CFH: variants seen among roughly 807,000 people sequenced by gnomAD.
CFH encodes complement factor H.
A neutral mutation model predicts 147.3 loss-of-function variants in CFH; 53 were observed. The observed-to-expected ratio is 0.36, with a 90% CI of 0.29 to 0.45. The LOEUF (loss-of-function observed/expected upper bound fraction) is 0.45. Ranked by LOEUF, CFH falls within the 20% of genes least tolerant of loss-of-function variation. The probability of loss-of-function intolerance (pLI) is 1.00; values close to 1 mark genes in which losing one functional copy is unlikely to be tolerated. For synonymous variants in CFH, 536 were observed against 489.4 expected (o/e 1.10, Z -1.26); for missense variants, 1,380 against 1,498.0 (o/e 0.92, Z 1.30).
At chr1:196,706,031 A>G (rs1325142568) in intron 9 of CFH, among the ~76,000 whole-genome samples, 2 of 152,052 alleles carry the variant, frequency 1.3e-5, no homozygotes, top group East Asian at 3.9e-4. Context: ...CACTGAGGAA[A>G]GCAGCTTTAT....
At chr1:196,723,150 A>G (rs558343019) in intron 11 of CFH, among the ~76,000 whole-genome samples, 2 of 152,276 alleles carry the variant, frequency 1.3e-5, no homozygotes, top group East Asian at 1.9e-4. Context: ...GCTGTTTTAA[A>G]TCATACTTCC....
chr1:196,672,789 G>A (rs1667326204), intron 1 of CFH, among the ~76,000 whole-genome samples, 189 bp from the exon 2 acceptor site: 1 of 152,002 alleles, frequency 6.6e-6, no homozygotes, highest in African/African-American at 2.4e-5. Context: ...AAGGTGAAAT[G>A]TATAGTTACA....
At chr1:196,740,354 CA>C (rs1346078197) in intron 17 of CFH, among the ~76,000 whole-genome samples, 2 of 152,160 alleles carry the variant, frequency 1.3e-5, no homozygotes, top group Non-Finnish European at 2.9e-5. Context: ...AGTAAGTTTA[CA>C]GAGGCATTGT....
chr1:196,703,959 TG>T (rs1228971837), intron 9 of CFH, among the ~76,000 whole-genome samples: 5 of 98,856 alleles, frequency 5.1e-5, no homozygotes, highest in African/African-American at 2.1e-4. Context: ...CACTCCAGCC[TG>T]GGGGACAGAG....
intron 1 of CFH, among the ~76,000 whole-genome samples, chr1:196,666,804 CAAAAAA>C (rs10616982): frequency 1.2e-5 from 1 of 84,072 alleles, no homozygotes; most frequent in Non-Finnish European, 2.4e-5. Context: ...GACTCCGTCT[CAAAAAA>C]AAAAAAAAAA....
chr1:196,730,940 C>A (rs530107073), intron 15 of CFH, among the ~76,000 whole-genome samples: 1 of 151,634 alleles, frequency 6.6e-6, no homozygotes, highest in Non-Finnish European at 1.5e-5. Context: ...TTTTTCCATG[C>A]CTTCACTGCA....
At chr1:196,729,343 T>G (rs750764241) in intron 15 of CFH, among the ~76,000 whole-genome samples, 3 of 152,134 alleles carry the variant, frequency 2.0e-5, no homozygotes, top group Non-Finnish European at 4.4e-5. Context: ...ATAGATTTAT[T>G]AAAATGATCG....
chr1:196,746,023 G>A, intron 21 of CFH, 24 bp downstream of exon 21: 1 of 1,614,046 alleles, frequency 6.2e-7, no homozygotes, highest in Non-Finnish European at 8.5e-7. Flanking sequence ...TATTCACGTG[G>A]CTGGAAAAAT....
intron 1 of CFH, among the ~76,000 whole-genome samples, chr1:196,653,505 T>C (rs936157833): frequency 7.9e-5 from 12 of 152,026 alleles, no homozygotes; most frequent in African/African-American, 2.9e-4. Flanking sequence ...GTTTCATACC[T>C]ACATACTGTT....
At chr1:196,713,251 A>T (rs1346627007) in intron 9 of CFH, among the ~76,000 whole-genome samples, 1 of 152,146 alleles carries the variant, frequency 6.6e-6, no homozygotes, top group Non-Finnish European at 1.5e-5. Context: ...TTTACTTTGA[A>T]GCACACAATA....
Position 196,677,599 on chromosome 1 carries a change from T to C in CFH, c.551T>C (p.Ile184Thr), listed in dbSNP as rs765263611. ...VRFVCNSGYK[I>T]EGDEEMHCSD... is the part of the protein sequence containing the mutation. ...TTTGTATGTAACTCAGGCTACAAGA[T>C]TGAAGGAGATGAAGAAATGCATTGT... Residue 184 changes from isoleucine to threonine, a missense_variant, in exon 5 of 22, where the codon ATT becomes ACT. Physicochemically the swap from Ile to Thr is moderately conservative, Grantham distance 89. Around this residue, in one of 4 missense-constraint regions of CFH, gnomAD observed 260 missense variants for 263.3 expected, o/e 0.99. Transcript: ENST00000367429. The C allele has an allele frequency of 8.7e-6, 14 of 1,613,170 alleles. No homozygotes were observed. The highest frequency in any genetic ancestry group is 6.7e-5 in the Admixed American group (4 of 59,946).
rs116355899 is a variant in CFH, at chr1:196,725,484, T to C, written c.1873+187T>C. 3.8e-3 allele frequency among the ~76,000 whole-genome samples: 575 copies of C among 152,308 alleles called. 3 individuals carry two copies. Among genetic ancestry groups the C allele is most frequent in the Non-Finnish European group, 5.8e-3 (397 of 68,018 alleles). On this transcript the variant is annotated intron_variant, in intron 12 of 21. Coordinates refer to ENST00000367429, the MANE Select transcript of CFH (RefSeq NM_000186.4). ...AGTCACTTAAGTTAATCTCCACTGT[T>C]TCTTGAACGATGTGCTGGAAGTATT...
At chr1:196,678,340 T>C (rs768802894) in intron 5 of CFH, 18 of 152,198 alleles carry the variant, frequency 1.2e-4, no homozygotes, top group African/African-American at 3.4e-4. Context: ...CAATCAAAGA[T>C]TTTGGCTTCT....
At position 196,655,676 on chromosome 1, in the gene CFH, A is replaced by G. The variant is rs551385442; in HGVS notation, c.58+3501A>G. Among the ~76,000 whole-genome samples, 5 of 152,080 alleles carry G rather than the reference A, an allele frequency of 3.3e-5. No homozygotes were observed. In the East Asian group the frequency reaches 9.7e-4, roughly 29 times the overall value. ...TTATGCCTTCTCCTCCTCCCCACAC[A>G]CACCATCCCCCACCTGCCTAGGCCT... On this transcript the variant is annotated intron_variant, in intron 1 of 21. Transcript: ENST00000367429.
chr1:196,732,603 G>C (rs187553117), intron 15 of CFH, among the ~76,000 whole-genome samples: 5 of 152,002 alleles, frequency 3.3e-5, no homozygotes, highest in African/African-American at 1.2e-4. Context: ...TATCAGACTG[G>C]CTTCATATAG....
At chr1:196,719,595 A>T (rs1668951906) in intron 11 of CFH, among the ~76,000 whole-genome samples, 1 of 151,864 alleles carries the variant, frequency 6.6e-6, no homozygotes, top group Non-Finnish European at 1.5e-5. Context: ...TTTTAGTATG[A>T]TTCTAATTTA....
chr1:196,708,658 G>T (rs1435033665), intron 9 of CFH, among the ~76,000 whole-genome samples: 2 of 151,980 alleles, frequency 1.3e-5, no homozygotes, highest in African/African-American at 4.8e-5. Context: ...TTACCTGTGT[G>T]CCCCCTTGGT....
rs151243611 is a variant in CFH at position 196,742,150 on chromosome 1, G to A, written c.3133+99G>A. On this transcript the variant is annotated intron_variant, in intron 19 of 21. Transcript: ENST00000367429. ...AGCACTTTGGGAGGCCGAGGTGGGC[G>A]GATCACTTGAGGTCAGGAGTTCGAG... 592 of 1,145,680 alleles carry A rather than the reference G, an allele frequency of 5.2e-4. 3 individuals are homozygous for A. In the African/African-American group the frequency reaches 7.7e-3, roughly 15 times the overall value. 71.0% of individuals were successfully genotyped at this position (1,145,680 alleles called of 1,614,324 possible).
intron 9 of CFH, among the ~76,000 whole-genome samples, chr1:196,710,439 C>G (rs1345542083): frequency 6.6e-6 from 1 of 152,084 alleles, no homozygotes; most frequent in Non-Finnish European, 1.5e-5. Flanking sequence ...TTCTGGACAC[C>G]GTTTTCTCTT....
Sources: allele counts gnomAD v4.1 joint callset (sites outside exome capture counted in the v4.1 genomes callset), GRCh38; gene constraint gnomAD v4.1.1; regional missense constraint gnomAD v4.1.1; transcripts MANE v1.5; gene names NCBI Gene and HGNC (gene_info 2026-07-23, HGNC 2026-07-21).